The following PLA2G4F variants were observed in gnomAD, a reference collection of about 807,000 sequenced individuals.
The protein encoded by PLA2G4F is phospholipase A2 group IVF, also known as cytosolic phospholipase A2 zeta.
A neutral mutation model predicts 103.1 loss-of-function variants in PLA2G4F; 105 were observed. The observed-to-expected ratio is 1.02, with a 90% CI of 0.87 to 1.20. PLA2G4F has a LOEUF of 1.20. PLA2G4F is among the 50% of genes most tolerant of loss of function. PLA2G4F has a pLI of 0.00. For synonymous variants in PLA2G4F, 468 were observed against 441.1 expected (o/e 1.06, Z -0.76); for missense variants, 1,155 against 1,075.9 (o/e 1.07, Z -1.03).
chr15:42,155,763 G>A lies in PLA2G4F; in HGVS notation c.112-174C>T, dbSNP rs577720987. On this transcript the variant is annotated intron_variant, in intron 1 of 19. Transcript: ENST00000397272. ...CAGGCATTGGGAGTTCAGCACCTTCGTGATGTGTCTGGACCCTGGAACCCA... is the reference window on the plus strand; with the variant it reads ...CAGGCATTGGGAGTTCAGCACCTTCATGATGTGTCTGGACCCTGGAACCCA... Among the ~76,000 whole-genome samples, 7 of 152,232 alleles carry A rather than the reference G, an allele frequency of 4.6e-5. No homozygotes were observed. The South Asian group carries it at 6.2e-4, about 14-fold the overall frequency.
At chr15:42,152,586 G>A (rs2048971673) in intron 7 of PLA2G4F, 102 bp downstream of exon 7, 9 of 1,245,066 alleles carry the variant, frequency 7.2e-6, no homozygotes, top group Admixed American at 5.9e-5. Context: ...TTTGAGCAAT[G>A]AAAACTTTAA....
chr15:42,143,989 C>G lies in PLA2G4F; in HGVS notation c.2131G>C (p.Ala711Pro). Residue 711 changes from alanine to proline, a missense_variant, in exon 18 of 20, where the codon GCC (alanine) becomes CCC (proline). Ala to Pro is a conservative substitution (Grantham distance 27, BLOSUM62 -1). This residue lies in a region of PLA2G4F where 782 missense variants were observed against 692.9 expected (regional missense o/e 1.13). Transcript: ENST00000397272. ...GCCTCCCAGCTCACCTCAAAAGGGG[C>G]TTCCAAGGAATAGTCAAAGGACAGA... Reference protein sequence around the residue: ...LILSFDYSLEAPFEVLKMTEK... With the variant: ...LILSFDYSLEPPFEVLKMTEK... The G allele has an allele frequency of 6.2e-7, 1 of 1,606,402 alleles. No homozygotes were observed. Among genetic ancestry groups the G allele is most frequent in the Non-Finnish European group, 8.5e-7 (1 of 1,175,352 alleles).
At chr15:42,148,562 TAC>T (rs2048918051) in intron 11 of PLA2G4F, 1 of 942,596 alleles carries the variant, frequency 1.1e-6, no homozygotes, top group Non-Finnish European at 1.3e-6. Flanking sequence ...AATCGATCTC[TAC>T]ACATGGATGA....
chr15:42,152,259 G>A (rs905813422), intron 7 of PLA2G4F, among the ~76,000 whole-genome samples: 4 of 152,340 alleles, frequency 2.6e-5, no homozygotes, highest in African/African-American at 9.6e-5. Context: ...GCTGTGACCA[G>A]GCTTAACAAG....
In PLA2G4F at chr15:42,140,309, T is replaced by C. The variant is rs1390192507; in HGVS notation, c.*1675A>G. On this transcript the variant is annotated 3_prime_UTR_variant, in exon 20 of 20. Coordinates refer to ENST00000397272, the MANE Select transcript of PLA2G4F (RefSeq NM_213600.4). ...AGCCAGAGACAGCCTGAGGCTCTAA[T>C]GGGCACTGAAGAAACACCACAGATT... is the stretch of plus-strand genomic sequence containing the variant. 1 of 152,264 alleles carries C rather than the reference T, an allele frequency of 6.6e-6. No homozygotes were observed. The highest frequency in any genetic ancestry group is 2.1e-4 in the South Asian group (1 of 4,830). The allele number at this position is 152,264 out of a possible 1,614,324, so 9.4% of individuals were successfully genotyped here.
At chr15:42,150,064 GC>G in intron 10 of PLA2G4F, 39 bp downstream of exon 10, 1 of 1,613,496 alleles carries the variant, frequency 6.2e-7, no homozygotes, top group Non-Finnish European at 8.5e-7. Context: ...CGCACTTCTA[GC>G]CCAGCCCCAA....
Position 42,150,503 on chromosome 15 carries a change from A to G in PLA2G4F, c.772-17T>C. 2.5e-6 allele frequency: 4 copies of G among 1,607,250 alleles called. No homozygotes were observed. Among genetic ancestry groups the G allele is most frequent in the Non-Finnish European group, 3.4e-6 (4 of 1,177,322 alleles). On this transcript the variant is annotated splice_polypyrimidine_tract_variant and intron_variant, in intron 8 of 19. Coordinates refer to ENST00000397272, the MANE Select transcript of PLA2G4F (RefSeq NM_213600.4). ...GGGGCCACTCTGTGGAAAAGAAAAC[A>G]CCCAAGAAGCTCTCCAGCAGGGAAG...
At chr15:42,155,710 C>T (rs565472849) in intron 1 of PLA2G4F, 121 bp from the exon 2 acceptor site, 15 of 983,152 alleles carry the variant, frequency 1.5e-5, no homozygotes, top group South Asian at 1.0e-4. Context: ...GTCTCTGTGC[C>T]GGGGAGCAGG....
chr15:42,143,452 A>G (rs2048846119), intron 18 of PLA2G4F, among the ~76,000 whole-genome samples: 1 of 152,128 alleles, frequency 6.6e-6, no homozygotes, highest in Non-Finnish European at 1.5e-5. Flanking sequence ...CTCTCACTGG[A>G]CCCAGGACAA....
rs552990249 is a variant in PLA2G4F at position 42,149,913 on chromosome 15, T to C, written c.924-65A>G. ...GTGACTGTCCAGTGGAGGAGAGCCTTGGGCCCAGCCCAGGTCTTTCACAGG... is the reference window on the plus strand; with the variant it reads ...GTGACTGTCCAGTGGAGGAGAGCCTCGGGCCCAGCCCAGGTCTTTCACAGG... On this transcript the variant is annotated intron_variant, in intron 10 of 19. Coordinates refer to ENST00000397272, the MANE Select transcript of PLA2G4F (RefSeq NM_213600.4). 36 of 1,580,706 alleles carry C rather than the reference T, an allele frequency of 2.3e-5. No homozygotes were observed. The East Asian group carries it at 7.6e-4, about 33-fold the overall frequency.
chr15:42,146,322 A>C, intron 13 of PLA2G4F, 81 bp from the exon 14 acceptor site: 1 of 1,326,158 alleles, frequency 7.5e-7, no homozygotes, highest in Non-Finnish European at 1.1e-6. Context: ...GGCACCCTGC[A>C]AGGCGTGGTG....
chr15:42,147,437 A>AC, intron 12 of PLA2G4F, 91 bp from the exon 13 acceptor site: 1 of 1,404,160 alleles, frequency 7.1e-7, no homozygotes, highest in South Asian at 1.2e-5. Flanking sequence ...CTCCACCCCC[A>AC]CCACTTGCAC....
rs537725594 is a variant in PLA2G4F at position 42,141,073 on chromosome 15, G to A, written c.*911C>T. ...CTGGGAAAGAGGCAAGAGCCCAGGCGAGGCTCCCTCTGCACTGCCCATGCC... is the reference window on the plus strand; with the variant it reads ...CTGGGAAAGAGGCAAGAGCCCAGGCAAGGCTCCCTCTGCACTGCCCATGCC... On this transcript the variant is annotated 3_prime_UTR_variant, in exon 20 of 20. Coordinates refer to ENST00000397272, the MANE Select transcript of PLA2G4F (RefSeq NM_213600.4). The A allele has an allele frequency of 3.9e-5, 14 of 359,838 alleles. No homozygotes were observed. Among genetic ancestry groups the A allele is most frequent in the African/African-American group, 1.5e-4 (7 of 47,070 alleles). The allele number at this position is 359,838 out of a possible 1,614,324, so 22.3% of individuals were successfully genotyped here. A position where few individuals can be genotyped will look rare whatever the true frequency, so the allele number is the denominator to read the frequency against.
At position 42,142,543 on chromosome 15, in the gene PLA2G4F, T is replaced by C. The variant is rs751128862; in HGVS notation, c.2314A>G (p.Thr772Ala). Reference protein sequence around the residue: ...HFPLVNRTFRTHLAPGVERQT... With the variant: ...HFPLVNRTFRAHLAPGVERQT... ...CTTCCCTTACCTGGGGCCAGGTGTG[T>C]GCGGAAGGTACGGTTAACCAGGGGG... The change falls in exon 19 of 20, where the codon ACA becomes GCA. Residue 772 changes from threonine to alanine, a missense_variant. By Grantham distance (58) the Thr-to-Ala change is moderately conservative. Around this residue, in one of 3 missense-constraint regions of PLA2G4F, gnomAD observed 782 missense variants for 692.9 expected, o/e 1.13. Transcript: ENST00000397272. The C allele has an allele frequency of 8.1e-6, 13 of 1,613,532 alleles. No individual in the cohort carries two copies. Among genetic ancestry groups the C allele is most frequent in the Middle Eastern group, 1.6e-4 (1 of 6,072 alleles).
At position 42,144,140 on chromosome 15, in the gene PLA2G4F, T is replaced by A. The variant is rs1418223261; in HGVS notation, c.1980A>T (p.Thr660=). Residue 660 remains threonine, a synonymous_variant, in exon 18 of 20, where the codon ACA becomes ACT. Coordinates refer to ENST00000397272, the MANE Select transcript of PLA2G4F (RefSeq NM_213600.4). ...GCTGGTTGGGGAAGGCGTCCGGGTGTGTGTCTGCAAGGAACCCATGTGTAC... is the reference window on the plus strand; with the variant it reads ...GCTGGTTGGGGAAGGCGTCCGGGTGAGTGTCTGCAAGGAACCCATGTGTAC... ...AGREFVAWKD[T]HPDAFPNQLT... is the part of the protein sequence containing the mutation. 1.9e-6 allele frequency: 3 copies of A among 1,607,712 alleles called. No homozygotes were observed. The highest frequency in any genetic ancestry group is 2.7e-5 in the African/African-American group (2 of 74,652).
rs1210608615 is a variant in PLA2G4F, at chr15:42,147,213, G to C, written c.1330C>G (p.Gln444Glu). 6.2e-7 allele frequency: 1 copy of C among 1,613,052 alleles called. No homozygotes were observed. The highest frequency in any genetic ancestry group is 1.3e-5 in the African/African-American group (1 of 74,998). ...CTGCGCTCCCGGACCCCCAGTTCCT[G>C]AGTGTAGTACTGTAGCCGCTCCGTG... ...LSTERLQYYT[Q>E]ELGVRERSGH... is the part of the protein sequence containing the mutation. The change falls in exon 13 of 20, where the codon CAG (glutamine) becomes GAG (glutamate). Residue 444 changes from glutamine (Q) to glutamate (E), a missense_variant. By Grantham distance (29) the Gln-to-Glu change is conservative. Coordinates refer to ENST00000397272, the MANE Select transcript of PLA2G4F (RefSeq NM_213600.4).
intron 2 of PLA2G4F, among the ~76,000 whole-genome samples, 174 bp downstream of exon 2, chr15:42,155,341 CAT>C (rs3035815): frequency 0.048 from 7,378 of 152,252 alleles, 423 homozygotes; most frequent in African/African-American, 0.12. Context: ...TGCACTCACA[CAT>C]ACTTGCACAG....
At chr15:42,147,495 C>G in intron 12 of PLA2G4F, 131 bp downstream of exon 12, 2 of 1,384,476 alleles carry the variant, frequency 1.4e-6, no homozygotes, top group Non-Finnish European at 2.0e-6. Context: ...GGGACTCAGC[C>G]TCTTCCTGCC....
At chr15:42,150,023 C>T in intron 10 of PLA2G4F, 81 bp downstream of exon 10, 1 of 1,594,906 alleles carries the variant, frequency 6.3e-7, no homozygotes, top group East Asian at 2.2e-5. Flanking sequence ...GCTTCTTGGG[C>T]AAGAGAATGG....
Sources: allele counts gnomAD v4.1 joint callset (sites outside exome capture counted in the v4.1 genomes callset), GRCh38; gene constraint gnomAD v4.1.1; regional missense constraint gnomAD v4.1.1; transcripts MANE v1.5; gene names NCBI Gene and HGNC (gene_info 2026-07-23, HGNC 2026-07-21).